The following TDRD7 variants were observed in gnomAD, a reference collection of about 807,000 sequenced individuals.
TDRD7 encodes tudor domain containing 7, also known as tudor domain-containing protein 7.
A neutral mutation model predicts 109.8 loss-of-function variants in TDRD7; 47 were observed. The observed-to-expected ratio is 0.43, with a 90% confidence interval of 0.34 to 0.55. TDRD7 has a LOEUF of 0.55. Among genes scored for constraint, TDRD7 ranks in the 20% least tolerant of loss-of-function variants. The pLI, the probability that TDRD7 is intolerant of heterozygous loss-of-function variation, is 0.03. For synonymous variants in TDRD7, 424 were observed against 457.3 expected (o/e 0.93, Z 0.93); for missense variants, 1,164 against 1,319.2 (o/e 0.88, Z 1.82).
chr9:97,470,543 GT>G lies in TDRD7; in HGVS notation c.1630-10del. 1 of 1,598,454 alleles carries G rather than the reference GT, an allele frequency of 6.3e-7. No individual in the cohort carries two copies. Among genetic ancestry groups the G allele is most frequent in the East Asian group, 2.2e-5 (1 of 44,748 alleles). ...GAGGATAAAGAACTAAACATTCTGTGTTTTTAATCATTAGGTATGCTATGTT... is the reference window on the plus strand; with the variant it reads ...GAGGATAAAGAACTAAACATTCTGTGTTTTAATCATTAGGTATGCTATGTT... On this transcript the variant is annotated splice_polypyrimidine_tract_variant and intron_variant, in intron 8 of 16. Transcript: ENST00000355295.
intron 4 of TDRD7, among the ~76,000 whole-genome samples, chr9:97,433,352 G>A (rs1828137219): frequency 6.6e-6 from 1 of 151,566 alleles, no homozygotes; most frequent in African/African-American, 2.4e-5. Flanking sequence ...ATAAGGTCTA[G>A]AAAATACATA....
At chr9:97,463,310 G>A (rs933369928) in intron 7 of TDRD7, among the ~76,000 whole-genome samples, 5 of 150,422 alleles carry the variant, frequency 3.3e-5, no homozygotes, top group Non-Finnish European at 7.4e-5. Flanking sequence ...CCAATAATAT[G>A]CACATAATAT....
chr9:97,429,526 G>A (rs536674110), intron 2 of TDRD7, among the ~76,000 whole-genome samples: 104 of 152,310 alleles, frequency 6.8e-4, no homozygotes, highest in South Asian at 3.3e-3. Context: ...AGGAGGCAGT[G>A]GTGGAGGAGG....
At chr9:97,475,203 C>T (rs1253987534) in intron 11 of TDRD7, among the ~76,000 whole-genome samples, 180 bp from the exon 12 acceptor site, 1 of 152,194 alleles carries the variant, frequency 6.6e-6, no homozygotes, top group East Asian at 1.9e-4. Context: ...CTGATGTCAA[C>T]AAATGTATGA....
chr9:97,474,002 C>G (rs1013461069), intron 11 of TDRD7, among the ~76,000 whole-genome samples: 3 of 152,160 alleles, frequency 2.0e-5, no homozygotes, highest in African/African-American at 7.2e-5. Context: ...CTGCCTTAGG[C>G]AAGGAGAAAC....
intron 4 of TDRD7, among the ~76,000 whole-genome samples, chr9:97,437,952 A>G (rs779868947): frequency 1.3e-5 from 2 of 152,000 alleles, no homozygotes; most frequent in Non-Finnish European, 2.9e-5. Context: ...TGCTATATAC[A>G]CTTTTTTCTT....
At chr9:97,437,859 A>G (rs1828232551) in intron 4 of TDRD7, among the ~76,000 whole-genome samples, 2 of 152,192 alleles carry the variant, frequency 1.3e-5, no homozygotes, top group South Asian at 4.1e-4. Context: ...TTAGTGTTAT[A>G]AAACTGCTTA....
intron 6 of TDRD7, among the ~76,000 whole-genome samples, chr9:97,448,569 C>T (rs1169818969): frequency 6.6e-6 from 1 of 152,198 alleles, no homozygotes; most frequent in Non-Finnish European, 1.5e-5. Flanking sequence ...GCTAGGCACT[C>T]AGGGATCTTT....
intron 10 of TDRD7, 142 bp from the exon 11 acceptor site, chr9:97,473,350 G>A (rs906627654): frequency 1.8e-6 from 2 of 1,097,620 alleles, no homozygotes; most frequent in South Asian, 1.3e-5. Context: ...GCTATAAATT[G>A]CATTTCATCT....
intron 6 of TDRD7, among the ~76,000 whole-genome samples, chr9:97,446,125 T>C (rs1313912387): frequency 6.6e-6 from 1 of 152,142 alleles, no homozygotes; most frequent in Non-Finnish European, 1.5e-5. Flanking sequence ...ATGAGACCTG[T>C]CTTAAATTCC....
chr9:97,472,912 T>TA (rs1828947516), intron 10 of TDRD7, among the ~76,000 whole-genome samples: 1 of 152,154 alleles, frequency 6.6e-6, no homozygotes, highest in Non-Finnish European at 1.5e-5. Context: ...GATGAGATGT[T>TA]AAAAATGGTC....
chr9:97,417,034 G>A (rs1387224323), intron 1 of TDRD7, among the ~76,000 whole-genome samples: 3 of 152,088 alleles, frequency 2.0e-5, no homozygotes, highest in Non-Finnish European at 4.4e-5. Flanking sequence ...GCCAGAGAAG[G>A]CCTTACTGTG....
chr9:97,420,175 G>A (rs1827875573), intron 1 of TDRD7, among the ~76,000 whole-genome samples: 1 of 151,914 alleles, frequency 6.6e-6, no homozygotes, highest in African/African-American at 2.4e-5. Context: ...CCATACAGTG[G>A]AATACTACTC....
intron 14 of TDRD7, 77 bp downstream of exon 14, chr9:97,481,015 G>A (rs1369167966): frequency 8.1e-7 from 1 of 1,239,366 alleles, no homozygotes; most frequent in Non-Finnish European, 1.2e-6. Flanking sequence ...TTTTGTGAAG[G>A]AATTTTATCT....
At position 97,473,619 on chromosome 9, in the gene TDRD7, A is replaced by T; in HGVS notation, c.2072A>T (p.His691Leu). 6.2e-7 allele frequency: 1 copy of T among 1,613,706 alleles called. No homozygotes were observed. The highest frequency in any genetic ancestry group is 8.5e-7 in the Non-Finnish European group (1 of 1,179,690). The stretch of plus-strand genomic sequence containing the variant: ...CTACGTAAGATAGAGGACTACTTCC[A>T]TTGCAAGGTATAGCAGAACCTCTTC... ...DLLRKIEDYF[H>L]CKHMTSECFV... The change falls in exon 11 of 17, where the codon CAT becomes CTT. Residue 691 changes from histidine to leucine, a missense_variant. Physicochemically the swap from His to Leu is moderately conservative, Grantham distance 99. Around this residue, in one of 5 missense-constraint regions of TDRD7, gnomAD observed 261 missense variants for 336.2 expected, o/e 0.78. Transcript: ENST00000355295.
chr9:97,465,179 A>G (rs1405384089), intron 8 of TDRD7, 151 bp downstream of exon 8: 2 of 1,043,380 alleles, frequency 1.9e-6, no homozygotes, highest in African/African-American at 3.2e-5. Flanking sequence ...ATATCTGTAA[A>G]AGGTTATCCC....
At chr9:97,481,397 A>G (rs1829112044) in intron 14 of TDRD7, among the ~76,000 whole-genome samples, 1 of 152,208 alleles carries the variant, frequency 6.6e-6, no homozygotes, top group Non-Finnish European at 1.5e-5. Context: ...AAGTTTATTT[A>G]ATCTGCCATA....
At chr9:97,441,187 A>AT (rs1165644650) in intron 5 of TDRD7, among the ~76,000 whole-genome samples, 5 of 152,144 alleles carry the variant, frequency 3.3e-5, no homozygotes, top group African/African-American at 1.2e-4. Flanking sequence ...AACTCAGGCA[A>AT]TTTTTTATCT....
intron 7 of TDRD7, among the ~76,000 whole-genome samples, chr9:97,461,740 C>T (rs894381217): frequency 6.6e-6 from 1 of 152,214 alleles, no homozygotes; most frequent in African/African-American, 2.4e-5. Context: ...AGGGTGTGGC[C>T]ATGGCTGGGC....
Sources: gnomAD v4.1 joint callset for allele counts (sites outside exome capture counted in the v4.1 genomes callset) on GRCh38, gnomAD v4.1.1 for gene constraint, gnomAD v4.1.1 regional missense constraint, MANE v1.5 for transcripts, NCBI Gene and HGNC (gene_info 2026-07-23, HGNC 2026-07-21) for gene names.